The following DPYD variants were observed in gnomAD, a reference collection of about 807,000 sequenced individuals.
DPYD encodes dihydropyrimidine dehydrogenase.
In DPYD, 109 loss-of-function variants were observed where a neutral mutation model predicts 116.2. The ratio of observed to expected loss-of-function variants is 0.94; its 90% confidence interval spans 0.80 to 1.10. DPYD has a LOEUF of 1.10. Among genes scored for constraint, DPYD ranks in the 50% least tolerant of loss-of-function variants. The pLI is 0.00. For missense variants in DPYD, 1,302 were observed against 1,254.5 expected (o/e 1.04, Z -0.57); for synonymous variants, 440 against 432.0 (o/e 1.02, Z -0.23).
At chr1:97,373,786 T>C (rs1433182074) in intron 15 of DPYD, 142 bp from the exon 16 acceptor site, 4 of 680,092 alleles carry the variant, frequency 5.9e-6, no homozygotes, top group Non-Finnish European at 1.0e-5. Context: ...TGAGGTATAG[T>C]CTCTCTCTCT....
At chr1:97,515,676 T>C (rs1219820872) in intron 13 of DPYD, 50 bp downstream of exon 13, 1 of 1,527,376 alleles carries the variant, frequency 6.5e-7, no homozygotes, top group South Asian at 1.2e-5. Context: ...TATACCTTAA[T>C]TAAAATATAT....
intron 18 of DPYD, among the ~76,000 whole-genome samples, chr1:97,288,902 G>C (rs1056924310): frequency 6.6e-6 from 1 of 152,008 alleles, no homozygotes; most frequent in South Asian, 2.1e-4. Context: ...CCAGGATCTG[G>C]TTTTTTGAAA....
intron 10 of DPYD, among the ~76,000 whole-genome samples, chr1:97,586,494 A>G (rs1212687766): frequency 8.3e-6 from 1 of 121,180 alleles, no homozygotes; most frequent in Non-Finnish European, 1.7e-5. Flanking sequence ...ATATATATAT[A>G]TATATATATA....
At chr1:97,390,805 G>A (rs76308957) in intron 14 of DPYD, among the ~76,000 whole-genome samples, 2,201 of 151,994 alleles carry the variant, frequency 0.014, 43 homozygotes, top group African/African-American at 0.05. Flanking sequence ...CACTCTAGGA[G>A]CTACAGTAAC....
intron 16 of DPYD, among the ~76,000 whole-genome samples, chr1:97,350,493 C>A (rs1299191301): frequency 6.6e-6 from 1 of 152,064 alleles, no homozygotes; most frequent in Non-Finnish European, 1.5e-5. Context: ...AGGCAGCCAT[C>A]CCATTTGACA....
chr1:97,283,115 A>T (rs1402259763), intron 18 of DPYD, among the ~76,000 whole-genome samples: 1 of 152,084 alleles, frequency 6.6e-6, no homozygotes, highest in East Asian at 1.9e-4. Flanking sequence ...ATTTAGTACA[A>T]TTGTTAAAAT....
intron 18 of DPYD, among the ~76,000 whole-genome samples, chr1:97,283,136 T>A (rs519852): frequency 0.41 from 61,558 of 151,954 alleles, 12,694 homozygotes; most frequent in African/African-American, 0.45. Flanking sequence ...TTTAGTCTAC[T>A]ATTTATTTTG....
At chr1:97,377,913 C>T (rs1045433994) in intron 15 of DPYD, among the ~76,000 whole-genome samples, 40 of 152,264 alleles carry the variant, frequency 2.6e-4, no homozygotes, top group Non-Finnish European at 4.4e-4. Context: ...GGAAGACGTC[C>T]GTGGGTGATA....
At chr1:97,526,277 T>C (rs1649083443) in intron 12 of DPYD, among the ~76,000 whole-genome samples, 1 of 152,134 alleles carries the variant, frequency 6.6e-6, no homozygotes, top group African/African-American at 2.4e-5. Context: ...AGATTTTTCG[T>C]GCTTTGTCCT....
intron 19 of DPYD, among the ~76,000 whole-genome samples, chr1:97,222,078 G>A (rs924219352): frequency 6.6e-6 from 1 of 152,036 alleles, no homozygotes; most frequent in Admixed American, 6.6e-5. Context: ...AGTAATATGT[G>A]AAATAAGAAT....
chr1:97,484,009 T>C (rs1046207356), intron 13 of DPYD, among the ~76,000 whole-genome samples: 5 of 152,142 alleles, frequency 3.3e-5, no homozygotes, highest in African/African-American at 1.2e-4. Flanking sequence ...AATTCAAAAC[T>C]AAAAATAATT....
At chr1:97,862,803 T>C (rs1469868803) in intron 2 of DPYD, among the ~76,000 whole-genome samples, 2 of 151,908 alleles carry the variant, frequency 1.3e-5, no homozygotes, top group Non-Finnish European at 2.9e-5. Flanking sequence ...ATTAAAAACA[T>C]TTTATAGTCA....
At chr1:97,616,911 G>A (rs932983263) in intron 8 of DPYD, among the ~76,000 whole-genome samples, 1 of 151,912 alleles carries the variant, frequency 6.6e-6, no homozygotes, top group African/African-American at 2.4e-5. Flanking sequence ...TTTTGAGACG[G>A]AGTCTCCCTC....
At chr1:97,269,115 C>T (rs935074394) in intron 18 of DPYD, among the ~76,000 whole-genome samples, 5 of 152,148 alleles carry the variant, frequency 3.3e-5, no homozygotes, top group Admixed American at 6.6e-5. Flanking sequence ...CTGTCTTCCA[C>T]GAAATCCTAG....
At chr1:97,757,570 T>C (rs2101117329) in intron 3 of DPYD, among the ~76,000 whole-genome samples, 1 of 152,302 alleles carries the variant, frequency 6.6e-6, no homozygotes, top group African/African-American at 2.4e-5. Context: ...GATGCCATTG[T>C]TTGGCTTTTG....
intron 8 of DPYD, among the ~76,000 whole-genome samples, chr1:97,626,255 CTCTAA>C (rs1361771445): frequency 1.3e-5 from 2 of 151,952 alleles, no homozygotes; most frequent in African/African-American, 2.4e-5. Flanking sequence ...ATGTCTTAAG[CTCTAA>C]TCTAAGTTGC....
chr1:97,420,977 T>C (rs12063497), intron 14 of DPYD, among the ~76,000 whole-genome samples: 1,539 of 151,916 alleles, frequency 0.01, 22 homozygotes, highest in African/African-American at 0.035. Context: ...CCTTCCCCCT[T>C]GAGATTGTGA....
At chr1:97,531,130 T>C (rs1649595371) in intron 12 of DPYD, among the ~76,000 whole-genome samples, 1 of 152,206 alleles carries the variant, frequency 6.6e-6, no homozygotes, top group South Asian at 2.1e-4. Flanking sequence ...GTAATCTCAC[T>C]TAATCTCCTT....
At chr1:97,257,177 T>C (rs1663536495) in intron 18 of DPYD, among the ~76,000 whole-genome samples, 1 of 151,784 alleles carries the variant, frequency 6.6e-6, no homozygotes, top group Non-Finnish European at 1.5e-5. Flanking sequence ...TGGAATGTAC[T>C]CAACAAAAAA....
Sources: gnomAD v4.1 joint callset for allele counts (sites outside exome capture counted in the v4.1 genomes callset) on GRCh38, gnomAD v4.1.1 for gene constraint, MANE v1.5 for transcripts, NCBI Gene and HGNC (gene_info 2026-07-23, HGNC 2026-07-21) for gene names.